KBTBD12: variants seen among roughly 807,000 people sequenced by gnomAD.
KBTBD12 encodes the protein kelch repeat and BTB domain-containing protein 12.
In KBTBD12, 53 loss-of-function variants were observed where a neutral mutation model predicts 58.7. The observed-to-expected ratio is 0.90, with a 90% CI of 0.72 to 1.14. KBTBD12 has a LOEUF of 1.14. Ranked by LOEUF, KBTBD12 falls within the 50% of genes most tolerant of loss-of-function variation. KBTBD12 has a pLI of 0.00. For synonymous variants in KBTBD12, 236 were observed against 259.8 expected, an observed-to-expected ratio of 0.91 and a Z score of 0.88; for missense variants, 704 against 751.3, an observed-to-expected ratio of 0.94 and a Z score of 0.74.
chr3:127,920,880 A>G (rs867308405), intron 1 of KBTBD12, among the ~76,000 whole-genome samples: 8 of 152,034 alleles, frequency 5.3e-5, no homozygotes, highest in South Asian at 2.1e-4. Context: ...TCAGTCTTCT[A>G]TAAATTGAAG....
At chr3:127,918,697 G>A (rs1939319191) in intron 1 of KBTBD12, among the ~76,000 whole-genome samples, 1 of 148,968 alleles carries the variant, frequency 6.7e-6, no homozygotes, top group African/African-American at 2.5e-5. Flanking sequence ...GGGCGACAGA[G>A]CGAGACTCCG....
chr3:127,930,000 T>A (rs938907576), intron 3 of KBTBD12, 133 bp from the exon 4 acceptor site: 20 of 702,210 alleles, frequency 2.8e-5, no homozygotes, highest in Admixed American at 2.7e-5. Context: ...GGGTTTGGTG[T>A]GTTTGTGAGT....
intron 5 of KBTBD12, among the ~76,000 whole-genome samples, chr3:127,965,041 T>A (rs1404246275): frequency 6.6e-6 from 1 of 152,214 alleles, no homozygotes; most frequent in African/African-American, 2.4e-5. Context: ...AGGGCTGTCC[T>A]CCAGCTTGCT....
intron 5 of KBTBD12, among the ~76,000 whole-genome samples, chr3:127,974,848 G>A (rs145645031): frequency 2.5e-4 from 38 of 152,178 alleles, no homozygotes; most frequent in African/African-American, 7.7e-4. Context: ...GCATGGTGGC[G>A]GGTGCCTGTA....
intron 5 of KBTBD12, among the ~76,000 whole-genome samples, chr3:127,978,666 C>T (rs1940824717): frequency 6.6e-6 from 1 of 152,144 alleles, no homozygotes; most frequent in African/African-American, 2.4e-5. Context: ...CCCAGGCATT[C>T]CCAGGTGGTA....
At chr3:127,924,929 A>T (rs1228739046) in intron 2 of KBTBD12, among the ~76,000 whole-genome samples, 1 of 152,224 alleles carries the variant, frequency 6.6e-6, no homozygotes, top group Non-Finnish European at 1.5e-5. Flanking sequence ...AAAATTAGAA[A>T]TATGCACATG....
intron 4 of KBTBD12, among the ~76,000 whole-genome samples, chr3:127,956,724 AT>A (rs1297967930): frequency 6.6e-6 from 1 of 152,208 alleles, no homozygotes; most frequent in African/African-American, 2.4e-5. Context: ...GGAAAGCTTA[AT>A]GTTACAGAGG....
At chr3:127,970,457 C>A (rs1243015698) in intron 5 of KBTBD12, among the ~76,000 whole-genome samples, 41 of 152,240 alleles carry the variant, frequency 2.7e-4, no homozygotes, top group Non-Finnish European at 1.6e-4. Flanking sequence ...ATATGCCCAC[C>A]CTTGTACCTG....
chr3:127,933,407 C>A (rs1939752679), intron 4 of KBTBD12, among the ~76,000 whole-genome samples: 1 of 152,126 alleles, frequency 6.6e-6, no homozygotes, highest in Non-Finnish European at 1.5e-5. Context: ...GAAAAGCCTA[C>A]AGTTCTCCTA....
intron 4 of KBTBD12, among the ~76,000 whole-genome samples, chr3:127,939,624 C>T (rs184284302): frequency 9.2e-5 from 14 of 151,652 alleles, no homozygotes; most frequent in Admixed American, 7.2e-4. Flanking sequence ...TAGTAAAAAT[C>T]ACAATAAATG....
chr3:127,977,049 T>G (rs1450339865), intron 5 of KBTBD12, among the ~76,000 whole-genome samples: 1 of 152,164 alleles, frequency 6.6e-6, no homozygotes, highest in African/African-American at 2.4e-5. Flanking sequence ...TGTGTACATG[T>G]GTACTCAATG....
chr3:127,968,628 G>C (rs1334184583), intron 5 of KBTBD12, among the ~76,000 whole-genome samples: 1 of 152,176 alleles, frequency 6.6e-6, no homozygotes, highest in East Asian at 1.9e-4. Context: ...CAATGTGTGG[G>C]AGGAGGGAGA....
intron 5 of KBTBD12, among the ~76,000 whole-genome samples, chr3:127,983,033 C>G (rs1031375804): frequency 6.6e-6 from 1 of 152,240 alleles, no homozygotes; most frequent in Non-Finnish European, 1.5e-5. Flanking sequence ...GCCGTGCCTC[C>G]TCTATGGGGG....
Position 127,926,362 on chromosome 3 carries a change from CT to C in KBTBD12, c.1071-1399del, listed in dbSNP as rs1219485722. 2.6e-5 allele frequency among the ~76,000 whole-genome samples: 4 copies of C among 152,280 alleles called. No individual in the cohort carries two copies. In the East Asian group the frequency reaches 7.7e-4, roughly 29 times the overall value. On this transcript the variant is annotated intron_variant, in intron 2 of 5. Coordinates refer to ENST00000405109, the MANE Select transcript of KBTBD12 (RefSeq NM_207335.4). ...TTCATTTATATATTAATTCAGTTGG[CT>C]TTACTTTGGTAGCCCCCACATATAT... is the stretch of plus-strand genomic sequence containing the variant.
At position 127,927,872 on chromosome 3, in the gene KBTBD12, G is replaced by A; in HGVS notation, c.1179G>A (p.Gln393=). 1 of 1,613,276 alleles carries A rather than the reference G, an allele frequency of 6.2e-7. No homozygotes were observed. The highest frequency in any genetic ancestry group is 8.5e-7 in the Non-Finnish European group (1 of 1,179,372). ...ATGACCTTTATGTTATAGGAGGACAGATGAAAATTAAAAACCAGTATCTTA... is the reference window on the plus strand; with the variant it reads ...ATGACCTTTATGTTATAGGAGGACAAATGAAAATTAAAAACCAGTATCTTA... ...IHNDLYVIGG[Q]MKIKNQYLIT... The change falls in exon 3 of 6, where the codon CAG becomes CAA. Residue 393 remains glutamine (Q), a synonymous_variant. Transcript: ENST00000405109.
At chr3:127,934,057 C>A (rs535670828) in intron 4 of KBTBD12, among the ~76,000 whole-genome samples, 1 of 152,042 alleles carries the variant, frequency 6.6e-6, no homozygotes, top group Non-Finnish European at 1.5e-5. Context: ...AAAGCATAAC[C>A]CATTTGGGGG....
At chr3:127,971,675 C>T (rs1399682186) in intron 5 of KBTBD12, among the ~76,000 whole-genome samples, 3 of 152,148 alleles carry the variant, frequency 2.0e-5, no homozygotes, top group African/African-American at 7.2e-5. Context: ...GCAGGGAGGC[C>T]TCCTGTTTCT....
intron 4 of KBTBD12, among the ~76,000 whole-genome samples, chr3:127,944,780 T>G (rs1940034364): frequency 6.6e-6 from 1 of 152,224 alleles, no homozygotes; most frequent in Non-Finnish European, 1.5e-5. Context: ...TTCCCCCCAC[T>G]GATTATGATG....
chr3:127,921,384 T>C (rs958963096), intron 1 of KBTBD12, among the ~76,000 whole-genome samples: 1 of 152,168 alleles, frequency 6.6e-6, no homozygotes, highest in Non-Finnish European at 1.5e-5. Context: ...TGCCAAAGAC[T>C]AACTTAGCTA....
Sources: allele counts gnomAD v4.1 joint callset (sites outside exome capture counted in the v4.1 genomes callset), GRCh38; gene constraint gnomAD v4.1.1; transcripts MANE v1.5; gene names NCBI Gene and HGNC (gene_info 2026-07-23, HGNC 2026-07-21).